Variants in TTC3 observed in about 807,000 individuals in gnomAD.
The protein encoded by TTC3 is E3 ubiquitin-protein ligase TTC3.
A neutral mutation model predicts 249.6 loss-of-function variants in TTC3; 180 were observed. The ratio of observed to expected loss-of-function variants is 0.72; its 90% CI spans 0.64 to 0.82. The LOEUF (loss-of-function observed/expected upper bound fraction) is 0.82. Among genes scored for constraint, TTC3 ranks in the 40% least tolerant of loss-of-function variants. The probability of loss-of-function intolerance (pLI) is 0.00; values close to 1 mark genes in which losing one functional copy is unlikely to be tolerated. For missense variants in TTC3, 2,061 were observed against 2,398.4 expected (o/e 0.86, Z 2.94); for synonymous variants, 717 against 805.0 (o/e 0.89, Z 1.85).
At position 37,073,315 on chromosome 21, in the gene TTC3, G is replaced by GGCTGCT. The variant is rs16998912; in HGVS notation, c.-49_-44dup. The GGCTGCT allele has an allele frequency of 4.7e-3, 1,809 of 382,418 alleles. 17 individuals carry two copies. The highest frequency in any genetic ancestry group is 0.02 in the African/African-American group (883 of 44,576). The allele number at this position is 382,418 out of a possible 1,614,324, so 23.7% of individuals were successfully genotyped here. A position where few individuals can be genotyped will look rare whatever the true frequency, so the allele number is the denominator to read the frequency against. ...CGGAGGTGGCGGCGGCGGCGGCGGC[G>GGCTGCT]GCTGCTGCTGCTGCTGCCCGCGTCC... On this transcript the variant is annotated 5_prime_UTR_variant, in exon 1 of 46. Coordinates refer to ENST00000355666, the Ensembl canonical transcript of TTC3.
At chr21:37,150,318 G>T (rs2257091) in intron 24 of TTC3, 148 bp downstream of exon 24, 331,330 of 643,720 alleles carry the variant, frequency 0.51, 87,553 homozygotes, top group African/African-American at 0.65. Flanking sequence ...AGGAAATACT[G>T]GGATGTGAGA....
intron 5 of TTC3, among the ~76,000 whole-genome samples, chr21:37,089,157 G>A (rs1172746749): frequency 6.6e-6 from 1 of 152,074 alleles, no homozygotes; most frequent in African/African-American, 2.4e-5. Flanking sequence ...GTGGGGTATG[G>A]GTTCATGAAA....
At chr21:37,126,287 A>G (rs868774414) in intron 15 of TTC3, 144 bp downstream of exon 15, 4 of 543,022 alleles carry the variant, frequency 7.4e-6, no homozygotes, top group Non-Finnish European at 1.2e-5. Context: ...AAAATATTGA[A>G]TATTTATTTG....
At chr21:37,187,971 C>T (rs2083489620) in intron 38 of TTC3, 1 of 152,274 alleles carries the variant, frequency 6.6e-6, no homozygotes, top group African/African-American at 2.4e-5. Flanking sequence ...TTTAATGGAT[C>T]ATTTGGACCA....
intron 16 of TTC3, among the ~76,000 whole-genome samples, chr21:37,129,631 C>CTT (rs201840953): frequency 4.0e-5 from 6 of 151,648 alleles, no homozygotes; most frequent in Admixed American, 2.6e-4. Context: ...TGCCTCCTAT[C>CTT]TTTTTTTTTG....
At position 37,096,652 on chromosome 21, in the gene TTC3, G is replaced by A. The variant is rs376708849; in HGVS notation, c.845+9G>A. 104 of 1,599,886 alleles carry A rather than the reference G, an allele frequency of 6.5e-5. No individual in the cohort carries two copies. Among genetic ancestry groups the A allele is most frequent in the Admixed American group, 1.9e-4 (11 of 58,822 alleles). ...CGTACTGGACAGTTTAGGTAAGTTG[G>A]TTAAAATATCTCAACCACTGAATTA... On this transcript the variant is annotated intron_variant, in intron 10 of 45. Transcript: ENST00000355666.
intron 31 of TTC3, among the ~76,000 whole-genome samples, chr21:37,162,991 CA>C (rs1030561561): frequency 6.6e-6 from 1 of 152,192 alleles, no homozygotes; most frequent in African/African-American, 2.4e-5. Context: ...AATTACCTCC[CA>C]AAGAATCCAC....
intron 14 of TTC3, among the ~76,000 whole-genome samples, chr21:37,125,839 G>A (rs146207461): frequency 1.6e-3 from 241 of 150,534 alleles, no homozygotes; most frequent in African/African-American, 5.6e-3. Flanking sequence ...GTCAGACATC[G>A]TGCTAGGCAA....
At chr21:37,111,686 G>C (rs184189806) in intron 11 of TTC3, among the ~76,000 whole-genome samples, 1 of 152,232 alleles carries the variant, frequency 6.6e-6, no homozygotes, top group East Asian at 1.9e-4. Flanking sequence ...ACTCAGCTCT[G>C]CACCAAGCGG....
intron 12 of TTC3, among the ~76,000 whole-genome samples, chr21:37,122,436 AT>A (rs1338876056): frequency 4.6e-4 from 11 of 23,810 alleles, no homozygotes; most frequent in African/African-American, 1.6e-3. Context: ...ATATATATAT[AT>A]TATATATATA....
At chr21:37,149,963 A>G (rs192119427) in intron 23 of TTC3, 115 bp from the exon 24 acceptor site, 2 of 705,230 alleles carry the variant, frequency 2.8e-6, no homozygotes, top group Non-Finnish European at 4.6e-6. Context: ...ACTTGCCTGA[A>G]GATGGTTTTA....
At chr21:37,095,012 TGTA>T (rs2147716013) in intron 8 of TTC3, among the ~76,000 whole-genome samples, 2 of 152,134 alleles carry the variant, frequency 1.3e-5, no homozygotes, top group South Asian at 4.1e-4. Flanking sequence ...GGGGTGCACT[TGTA>T]GTCCTAGCTA....
intron 1 of TTC3, 186 bp from the exon 2 acceptor site, chr21:37,087,061 C>G: frequency 1.6e-6 from 1 of 606,516 alleles, no homozygotes; most frequent in East Asian, 2.9e-5. Context: ...ATTAAATTAT[C>G]TGGAGAGAGA....
chr21:37,122,977 T>C lies in TTC3; in HGVS notation c.1064-6T>C, dbSNP rs1350354164. 1 of 1,613,500 alleles carries C rather than the reference T, an allele frequency of 6.2e-7. No homozygotes were observed. The highest frequency in any genetic ancestry group is 2.2e-5 in the East Asian group (1 of 44,860). On this transcript the variant is annotated splice_polypyrimidine_tract_variant and splice_region_variant and intron_variant, in intron 12 of 45. Coordinates refer to ENST00000355666, the Ensembl canonical transcript of TTC3. Reference sequence around the variant, plus strand: ...TATGTGTGTGTGTGTGTGATGACTTTTATAGGTCGAACAGCAAATAAGGAT... The same window carrying C: ...TATGTGTGTGTGTGTGTGATGACTTCTATAGGTCGAACAGCAAATAAGGAT...
chr21:37,082,636 G>A (rs1568850359), intron 1 of TTC3: 1 of 985,266 alleles, frequency 1.0e-6, no homozygotes, highest in Non-Finnish European at 1.2e-6. Flanking sequence ...CTAGCTCAAG[G>A]TTTGTTGCTT....
intron 44 of TTC3, 52 bp from the exon 45 acceptor site, chr21:37,200,180 A>C: frequency 6.4e-7 from 1 of 1,559,896 alleles, no homozygotes; most frequent in Non-Finnish European, 8.7e-7. Context: ...AACTCGTGTC[A>C]TAAAAACAAC....
intron 37 of TTC3, 118 bp downstream of exon 37, chr21:37,185,892 T>A (rs571750231): frequency 3.8e-4 from 169 of 450,216 alleles, no homozygotes; most frequent in African/African-American, 3.0e-3. Flanking sequence ...TAATTATGTT[T>A]CTGTTTTCTT....
chr21:37,148,936 A>T (rs1004167717), intron 23 of TTC3, among the ~76,000 whole-genome samples: 1 of 138,500 alleles, frequency 7.2e-6, no homozygotes, highest in Admixed American at 7.1e-5. Flanking sequence ...AAGTGATCCT[A>T]CTTCAGCCTC....
chr21:37,104,428 A>G (rs1413471461), intron 10 of TTC3, among the ~76,000 whole-genome samples: 2 of 152,088 alleles, frequency 1.3e-5, no homozygotes, highest in Non-Finnish European at 2.9e-5. Flanking sequence ...TTTCTCTACT[A>G]CAACTACAAA....
Sources: allele counts gnomAD v4.1 joint callset (sites outside exome capture counted in the v4.1 genomes callset), GRCh38; gene constraint gnomAD v4.1.1; transcripts MANE v1.5; gene names NCBI Gene and HGNC (gene_info 2026-07-23, HGNC 2026-07-21).